TRRAP: variants seen among roughly 807,000 people sequenced by gnomAD.
TRRAP encodes transformation/transcription domain associated protein.
Under a neutral mutation model 438.8 loss-of-function variants are expected in TRRAP, and 41 were observed. The observed-to-expected ratio is 0.09, with a 90% CI of 0.07 to 0.12. The LOEUF (loss-of-function observed/expected upper bound fraction) is 0.12. Among genes scored for constraint, TRRAP ranks in the 10% least tolerant of loss-of-function variants. The probability of loss-of-function intolerance (pLI) is 1.00; values close to 1 mark genes in which losing one functional copy is unlikely to be tolerated. For synonymous variants in TRRAP, 1,994 were observed against 1,962.9 expected (o/e 1.02, Z -0.42); for missense variants, 3,122 against 5,055.1 (o/e 0.62, Z 11.60).
intron 19 of TRRAP, among the ~76,000 whole-genome samples, chr7:98,916,843 C>G (rs1412890664): frequency 6.6e-5 from 10 of 152,140 alleles, no homozygotes; most frequent in Admixed American, 6.5e-4. Context: ...TGAGGCCATC[C>G]CTGATGGCTT....
intron 30 of TRRAP, among the ~76,000 whole-genome samples, chr7:98,938,294 G>T (rs562140706): frequency 6.6e-6 from 1 of 152,120 alleles, no homozygotes; most frequent in Non-Finnish European, 1.5e-5. Context: ...AGCCGAGATG[G>T]CATCACTGCA....
intron 27 of TRRAP, 28 bp from the exon 28 acceptor site, chr7:98,935,551 C>T (rs1554414023): frequency 6.3e-7 from 1 of 1,580,790 alleles, no homozygotes; most frequent in South Asian, 1.1e-5. Flanking sequence ...GAAGAGTGGG[C>T]TAAATGAAAT....
intron 20 of TRRAP, among the ~76,000 whole-genome samples, chr7:98,920,397 G>C (rs782539537): frequency 9.2e-5 from 14 of 151,674 alleles, no homozygotes; most frequent in Non-Finnish European, 5.9e-5. Flanking sequence ...TTGGACCTGG[G>C]AAGTAGTGGT....
rs372599564 is a variant in TRRAP at position 98,933,411 on chromosome 7, G to A, written c.4014+9G>A. 6.2e-7 allele frequency: 1 copy of A among 1,611,308 alleles called. No homozygotes were observed. The highest frequency in any genetic ancestry group is 8.5e-7 in the Non-Finnish European group (1 of 1,179,014). ...AGGTGTTCTACACAGAGGTAGGGGG[G>A]TGGTGGTGCGGAGTGGTGTGGATGG... On this transcript the variant is annotated intron_variant, in intron 27 of 72. Coordinates refer to ENST00000456197, the MANE Select transcript of TRRAP (RefSeq NM_001375524.1).
At position 98,895,724 on chromosome 7, in the gene TRRAP, A is replaced by G. The variant is rs782731022; in HGVS notation, c.451-40A>G. ...TATTTATTATGGGTATTTTCTGTTT[A>G]TGAATATCTTCCTATAACGAAAGTG... On this transcript the variant is annotated intron_variant, in intron 6 of 72. Transcript: ENST00000456197. The G allele has an allele frequency of 4.6e-6, 7 of 1,528,112 alleles. No individual in the cohort carries two copies. In the East Asian group the frequency reaches 1.4e-4, roughly 30 times the overall value. The allele number at this position is 1,528,112 out of a possible 1,614,324, so 94.7% of individuals were successfully genotyped here.
At chr7:98,945,672 T>A in intron 31 of TRRAP, 75 bp from the exon 32 acceptor site, 2 of 1,549,186 alleles carry the variant, frequency 1.3e-6, no homozygotes, top group Middle Eastern at 1.7e-4. Flanking sequence ...TAACCCTTAC[T>A]GTGTTTGAGT....
intron 45 of TRRAP, among the ~76,000 whole-genome samples, chr7:98,960,866 T>C (rs1584363698): frequency 6.6e-6 from 1 of 151,870 alleles, no homozygotes; most frequent in South Asian, 2.1e-4. Flanking sequence ...ATCCATCCAC[T>C]TCAGCCTCCC....
chr7:98,895,897 G>A lies in TRRAP; in HGVS notation c.507+77G>A. 5 of 1,223,948 alleles carry A rather than the reference G, an allele frequency of 4.1e-6. No homozygotes were observed. In the South Asian group the frequency reaches 6.2e-5, roughly 15 times the overall value. The allele number at this position is 1,223,948 out of a possible 1,614,324, so 75.8% of individuals were successfully genotyped here. On this transcript the variant is annotated intron_variant, in intron 7 of 72. Transcript: ENST00000456197. ...TCCAAAAAGACTTTAGAACAGTTGG[G>A]TTGCAGAAATAGTGTGTGGGGAGGG...
Position 98,976,658 on chromosome 7 carries a change from G to A in TRRAP, c.8135G>A (p.Arg2712Gln), listed in dbSNP as rs1227745819. The change falls in exon 55 of 73, where the codon CGG becomes CAG. Residue 2712 changes from arginine to glutamine, a missense_variant. By Grantham distance (43) the Arg-to-Gln change is conservative. This residue lies in a region of TRRAP where 992 missense variants were observed against 1,281.2 expected (regional missense o/e 0.77). Coordinates refer to ENST00000456197, the MANE Select transcript of TRRAP (RefSeq NM_001375524.1). The surrounding 1 kb of genome is among the most constrained non-coding windows in gnomAD (Gnocchi z 4.6). ...GGGAAGACACACAACCTCTGGTTCC[G>A]GTCCACGCTGATGTTGGAGCACCAG... ...YLGKTHNLWF[R>Q]STLMLEHQAF... 20 of 1,614,120 alleles carry A rather than the reference G, an allele frequency of 1.2e-5. No homozygotes were observed. Among genetic ancestry groups the A allele is most frequent in the Non-Finnish European group, 1.6e-5 (19 of 1,180,016 alleles).
Position 98,950,710 on chromosome 7 carries a change from T to C in TRRAP, c.5335-166T>C, listed in dbSNP as rs570592497. On this transcript the variant is annotated intron_variant, in intron 38 of 72. Transcript: ENST00000456197. ...ATCTCTTTTCCACAAGTTTTTAACC[T>C]ACCTTTCTAGTTGCTCTTTGCATAG... Among the ~76,000 whole-genome samples, 3 of 152,334 alleles carry C rather than the reference T, an allele frequency of 2.0e-5. No homozygotes were observed. In the East Asian group the frequency reaches 5.8e-4, roughly 29 times the overall value.
intron 33 of TRRAP, 74 bp downstream of exon 33, chr7:98,946,024 G>A (rs930827970): frequency 2.3e-5 from 31 of 1,351,584 alleles, no homozygotes; most frequent in Admixed American, 8.9e-5. Flanking sequence ...TAGCTGTGTC[G>A]TGGTTCTGTA....
intron 6 of TRRAP, 52 bp downstream of exon 6, chr7:98,893,933 T>A: frequency 6.4e-7 from 1 of 1,568,188 alleles, no homozygotes; most frequent in Non-Finnish European, 8.7e-7. Flanking sequence ...AACATGTTCC[T>A]TCTGTGAAAT....
At chr7:98,999,348 G>A (rs1221015018) in intron 67 of TRRAP, 5 of 1,412,330 alleles carry the variant, frequency 3.5e-6, no homozygotes, top group Non-Finnish European at 5.0e-6. Context: ...GATCAGACTT[G>A]ACAGTGATTC....
intron 35 of TRRAP, among the ~76,000 whole-genome samples, chr7:98,949,058 C>A (rs1791209167): frequency 6.6e-6 from 1 of 152,122 alleles, no homozygotes; most frequent in Admixed American, 6.5e-5. Context: ...CAGAGTGAGA[C>A]CTTGTCTTTA....
In TRRAP at chr7:98,948,378, C is replaced by A. The variant is rs781901168; in HGVS notation, c.4668+38C>A. ...CTGAAGGCTGCTTCTCGCTCTGCCA[C>A]CCTCCGGTGCTTATAGCGTCCTCAC... On this transcript the variant is annotated intron_variant, in intron 34 of 72. Coordinates refer to ENST00000456197, the MANE Select transcript of TRRAP (RefSeq NM_001375524.1). The surrounding 1 kb of genome is among the most constrained non-coding windows in gnomAD (Gnocchi z 4.9). 1 of 1,613,592 alleles carries A rather than the reference C, an allele frequency of 6.2e-7. No individual in the cohort carries two copies. The highest frequency in any genetic ancestry group is 8.5e-7 in the Non-Finnish European group (1 of 1,179,816).
In TRRAP at chr7:98,908,044, G is replaced by A. The variant is rs79615950; in HGVS notation, c.1116-684G>A. On this transcript the variant is annotated intron_variant, in intron 13 of 72. Coordinates refer to ENST00000456197, the MANE Select transcript of TRRAP (RefSeq NM_001375524.1). This position sits in a 1 kb window ranked among gnomAD's most constrained non-coding sequence, Gnocchi z 4.1. ...AAATTTCCCTGGATTTTTGCCTTAT[G>A]GCCCCTTTTTGTCCTTAAGATCTCA... Among the ~76,000 whole-genome samples the A allele has an allele frequency of 0.035, 5,373 of 152,212 alleles. 122 individuals are homozygous for A. Among genetic ancestry groups the A allele is most frequent in the Middle Eastern group, 0.082 (24 of 294 alleles).
chr7:98,941,462 G>A (rs1297412691), intron 30 of TRRAP, among the ~76,000 whole-genome samples: 3 of 152,148 alleles, frequency 2.0e-5, no homozygotes, highest in Non-Finnish European at 2.9e-5. Flanking sequence ...GAGCTACCGC[G>A]CCTGGCCATG....
Position 98,971,953 on chromosome 7 carries a change from C to G in TRRAP, c.7839+8C>G. The G allele has an allele frequency of 6.2e-7, 1 of 1,613,256 alleles. No homozygotes were observed. The highest frequency in any genetic ancestry group is 1.7e-5 in the Admixed American group (1 of 59,852). Reference sequence around the variant, plus strand: ...ACTCTCCGAGAGGTGAAGGTCTGTACGCAGCTTGGAAAGGATTCGTTGCTT... The same window carrying G: ...ACTCTCCGAGAGGTGAAGGTCTGTAGGCAGCTTGGAAAGGATTCGTTGCTT... On this transcript the variant is annotated splice_region_variant and intron_variant, in intron 53 of 72. Transcript: ENST00000456197.
In TRRAP at chr7:99,012,037, A is replaced by T; in HGVS notation, c.11338-34A>T. 1 of 1,602,860 alleles carries T rather than the reference A, an allele frequency of 6.2e-7. No individual in the cohort carries two copies. The highest frequency in any genetic ancestry group is 8.5e-7 in the Non-Finnish European group (1 of 1,172,356). The stretch of plus-strand genomic sequence containing the variant: ...CTGCCCCTGTGGGCTGTTCTTGGTT[A>T]AACACAAGTCGTCTCGTTCTCTCCC... On this transcript the variant is annotated intron_variant, in intron 72 of 72. Coordinates refer to ENST00000456197, the MANE Select transcript of TRRAP (RefSeq NM_001375524.1). The surrounding 1 kb of genome is among the most constrained non-coding windows in gnomAD (Gnocchi z 5.9).
Sources: gnomAD v4.1 joint callset for allele counts (sites outside exome capture counted in the v4.1 genomes callset) on GRCh38, gnomAD v4.1.1 for gene constraint, gnomAD v4.1.1 regional missense constraint, Gnocchi (gnomAD v3.1) non-coding constraint, MANE v1.5 for transcripts, NCBI Gene and HGNC (gene_info 2026-07-23, HGNC 2026-07-21) for gene names.